RGS3: variants seen among roughly 807,000 people sequenced by gnomAD.
RGS3 encodes regulator of G protein signaling 3.
A neutral mutation model predicts 132.6 loss-of-function variants in RGS3; 80 were observed. That is an observed-to-expected ratio of 0.60 (90% CI 0.50 to 0.73). The LOEUF (loss-of-function observed/expected upper bound fraction) is 0.73, where lower values mean the gene tolerates loss of function less well. Ranked by LOEUF, RGS3 falls within the 30% of genes least tolerant of loss-of-function variation. RGS3 has a pLI of 0.00. For synonymous variants in RGS3, 598 were observed against 620.6 expected (o/e 0.96, Z 0.54); for missense variants, 1,382 against 1,530.8 (o/e 0.90, Z 1.62).
In RGS3 at chr9:113,501,305, GC is replaced by G. The variant is rs374116700; in HGVS notation, c.897+3228del. 5,243 of 849,276 alleles carry G rather than the reference GC, an allele frequency of 6.2e-3. 27 individuals are homozygous for G. The highest frequency in any genetic ancestry group is 8.1e-3 in the Non-Finnish European group (4,820 of 594,560). 52.6% of individuals were successfully genotyped at this position (849,276 alleles called of 1,614,324 possible). ...AACAAAGGCGCCCTCTCCCCGCCGGGCCCGGGGAATACTAACTAGTTGACAG... is the reference window on the plus strand; with the variant it reads ...AACAAAGGCGCCCTCTCCCCGCCGGGCCGGGGAATACTAACTAGTTGACAG... On this transcript the variant is annotated intron_variant, in intron 10 of 24. Transcript: ENST00000350696.
Position 113,591,641 on chromosome 9 carries a change from A to T in RGS3, c.3080+244A>T, listed in dbSNP as rs1002228153. 4.5e-5 allele frequency: 22 copies of T among 491,568 alleles called. No homozygotes were observed. Among genetic ancestry groups the T allele is most frequent in the African/African-American group, 3.9e-4 (20 of 51,726 alleles). 30.5% of individuals were successfully genotyped at this position (491,568 alleles called of 1,614,324 possible). The stretch of plus-strand genomic sequence containing the variant: ...GATTCAGTACCCGGAAGCCACAGTG[A>T]ACCAGAAGCAACCAGCCCGTTTGCC... On this transcript the variant is annotated intron_variant, in intron 21 of 24. Coordinates refer to ENST00000350696, the Ensembl canonical transcript of RGS3. This position sits in a 1 kb window ranked among gnomAD's most constrained non-coding sequence, Gnocchi z 4.4.
chr9:113,501,663 G>C (rs1830900638), intron 10 of RGS3: 1 of 1,546,370 alleles, frequency 6.5e-7, no homozygotes, highest in African/African-American at 1.4e-5. Context: ...GGAGCCTGTG[G>C]GGTGTTCAGG....
chr9:113,487,135 C>T (rs1431053973), intron 7 of RGS3, among the ~76,000 whole-genome samples: 8 of 137,268 alleles, frequency 5.8e-5, no homozygotes, highest in East Asian at 2.1e-4. Flanking sequence ...GACGGAGTCT[C>T]GCTCTGTCGC....
chr9:113,526,780 G>T (rs1362920067), intron 17 of RGS3, among the ~76,000 whole-genome samples: 1 of 152,162 alleles, frequency 6.6e-6, no homozygotes. Flanking sequence ...GGGAAGCGAG[G>T]TCCACTCTGG....
chr9:113,562,613 T>C (rs942249459), intron 19 of RGS3, among the ~76,000 whole-genome samples: 25 of 152,286 alleles, frequency 1.6e-4, no homozygotes, highest in South Asian at 2.1e-4. Flanking sequence ...GTATGAAATA[T>C]GTGGATCAGT....
chr9:113,458,190 T>C (rs2119153342), upstream of RGS3, among the ~76,000 whole-genome samples: 1 of 152,380 alleles, frequency 6.6e-6, no homozygotes, highest in African/African-American at 2.4e-5. Context: ...GTCCTGGGAT[T>C]ACAGGCGTGA....
intron 7 of RGS3, among the ~76,000 whole-genome samples, chr9:113,487,614 A>G (rs1049918297): frequency 2.0e-5 from 3 of 152,178 alleles, no homozygotes; most frequent in Non-Finnish European, 4.4e-5. Flanking sequence ...GGACAGGTGA[A>G]AGGACAGAAG....
intron 18 of RGS3, among the ~76,000 whole-genome samples, chr9:113,531,635 C>T (rs1588209524): frequency 6.6e-6 from 1 of 152,140 alleles, no homozygotes; most frequent in East Asian, 1.9e-4. Context: ...AAGAAGAAAG[C>T]TAAGAGGAAT....
intron 19 of RGS3, among the ~76,000 whole-genome samples, chr9:113,560,591 G>A (rs572809536): frequency 4.9e-4 from 74 of 152,266 alleles, no homozygotes; most frequent in African/African-American, 1.6e-3. Flanking sequence ...TCCTAGTACC[G>A]GCTCCGGCAC....
At chr9:113,510,032 C>A (rs898045319) in intron 14 of RGS3, among the ~76,000 whole-genome samples, 1 of 152,068 alleles carries the variant, frequency 6.6e-6, no homozygotes. Context: ...TTGGTGCACC[C>A]ATAACCCGAG....
At chr9:113,536,545 G>C in intron 18 of RGS3, 1 of 1,282,346 alleles carries the variant, frequency 7.8e-7, no homozygotes, top group Non-Finnish European at 1.0e-6. Context: ...GCTGTGTTGG[G>C]AGCCACTGCC....
chr9:113,510,012 T>C (rs1391114657), intron 14 of RGS3, among the ~76,000 whole-genome samples: 1 of 152,086 alleles, frequency 6.6e-6, no homozygotes, highest in Non-Finnish European at 1.5e-5. Context: ...TAGTGGTGAT[T>C]TGTGAGATTT....
At chr9:113,479,630 T>C in intron 4 of RGS3, 89 bp downstream of exon 2, 3 of 1,170,604 alleles carry the variant, frequency 2.6e-6, no homozygotes. Context: ...GGTGGCACCA[T>C]GGGCCAAGGC....
At chr9:113,547,168 A>G (rs1056652289) in intron 19 of RGS3, among the ~76,000 whole-genome samples, 9 of 152,224 alleles carry the variant, frequency 5.9e-5, no homozygotes, top group Non-Finnish European at 8.8e-5. Flanking sequence ...GAGGGATTTC[A>G]GAGGGGAGAA....
chr9:113,467,325 G>A (rs992837555), intron 3 of RGS3, among the ~76,000 whole-genome samples: 1 of 152,164 alleles, frequency 6.6e-6, no homozygotes, highest in Non-Finnish European at 1.5e-5. Flanking sequence ...CAAAGTAGGT[G>A]TATCATTTTA....
rs1829526002 is a variant in RGS3 at position 113,463,590 on chromosome 9, C to T, written c.415+1389C>T. On this transcript the variant is annotated intron_variant, in intron 3 of 24. Transcript: ENST00000350696. This position sits in a 1 kb window ranked among gnomAD's most constrained non-coding sequence, Gnocchi z 4.6. ...AGCGCGGGTCGGCGGCGCCGCCTCC[C>T]CCACCCCGGCCCAGCTCTGCTCCGG... 3.1e-6 allele frequency: 3 copies of T among 966,648 alleles called. No homozygotes were observed. The highest frequency in any genetic ancestry group is 1.4e-6 in the Non-Finnish European group (1 of 721,828). The allele number at this position is 966,648 out of a possible 1,614,324, so 59.9% of individuals were successfully genotyped here.
At chr9:113,495,343 A>G (rs1830647073) in intron 7 of RGS3, among the ~76,000 whole-genome samples, 1 of 152,220 alleles carries the variant, frequency 6.6e-6, no homozygotes, top group Non-Finnish European at 1.5e-5. Context: ...TAGCCATCTA[A>G]GAACTGCTCA....
rs1554751010 is a variant in RGS3 at position 113,447,329 on chromosome 9, G to GTATGTATATATATATATATATATA, written c.-13+2405_-13+2406insGTATATATATATATATATATATAT. Among the ~76,000 whole-genome samples the GTATGTATATATATATATATATATA allele has an allele frequency of 2.9e-4, 8 of 27,548 alleles. No individual in the cohort carries two copies. The Admixed American group carries it at 3.4e-3, about 12-fold the overall frequency. 18.1% of individuals were successfully genotyped at this position (27,548 alleles called of 152,430 possible). ...CCAATAAATTCTGATGTATGTATAT[G>GTATGTATATATATATATATATATA]TATATATATATATATATATATATAT... On this transcript the variant is annotated intron_variant, in intron 1 of 25. Coordinates refer to the RGS3 transcript ENST00000374140.
intron 9 of RGS3, 41 bp downstream of exon 7, chr9:113,497,445 C>G (rs1280825906): frequency 1.3e-6 from 2 of 1,505,840 alleles, no homozygotes. Flanking sequence ...CCAGGACCTG[C>G]CCCCTCCCTC....
Sources: gnomAD v4.1 joint callset for allele counts (sites outside exome capture counted in the v4.1 genomes callset) on GRCh38, gnomAD v4.1.1 for gene constraint, Gnocchi (gnomAD v3.1) non-coding constraint, MANE v1.5 for transcripts, NCBI Gene and HGNC (gene_info 2026-07-23, HGNC 2026-07-21) for gene names.